Variants in NLGN4X observed in about 807,000 individuals in gnomAD.
The protein encoded by NLGN4X is neuroligin-4, X-linked.
A neutral mutation model predicts 40.3 loss-of-function variants in NLGN4X; 3 were observed. The observed-to-expected ratio is 0.07, with a 90% CI of 0.03 to 0.19. The LOEUF is 0.19. NLGN4X is among the 10% of genes least tolerant of loss of function. The probability of loss-of-function intolerance (pLI) is 1.00; values close to 1 mark genes in which losing one functional copy is unlikely to be tolerated. For missense variants in NLGN4X, 382 were observed against 708.3 expected, an observed-to-expected ratio of 0.54 and a Z score of 5.23; for synonymous variants, 270 against 306.8, an observed-to-expected ratio of 0.88 and a Z score of 1.25.
At chrX:6,202,259 A>G (rs1160036859) in intron 1 of NLGN4X, among the ~76,000 whole-genome samples, 1 of 111,159 alleles carries the variant, frequency 9.0e-6, no homozygotes. Flanking sequence ...TTTCTCAATA[A>G]GAGTACCTGC....
intron 1 of NLGN4X, among the ~76,000 whole-genome samples, chrX:6,188,761 A>G (rs1922305069): frequency 8.9e-6 from 1 of 111,966 alleles, no homozygotes; most frequent in African/African-American, 3.2e-5. Context: ...CAGGAATGCC[A>G]TGAAAGGAAT....
chrX:6,126,159 T>C (rs2039540769), intron 2 of NLGN4X, among the ~76,000 whole-genome samples: 1 of 109,640 alleles, frequency 9.1e-6, no homozygotes, highest in Admixed American at 9.7e-5. Context: ...AGAAAACATT[T>C]TTTAAAAACT....
intron 2 of NLGN4X, among the ~76,000 whole-genome samples, chrX:6,122,557 A>G (rs1480615176): frequency 9.0e-6 from 1 of 110,637 alleles, no homozygotes; most frequent in East Asian, 2.8e-4. Flanking sequence ...TTGATTGCCC[A>G]TTGGACACTT....
intron 3 of NLGN4X, among the ~76,000 whole-genome samples, chrX:5,995,390 A>C (rs773056859): frequency 8.9e-6 from 1 of 112,570 alleles, no homozygotes; most frequent in Non-Finnish European, 1.9e-5. Context: ...TTTCTGACTT[A>C]TTCCTGACCT....
chrX:5,942,339 T>G (rs1332097121), intron 3 of NLGN4X, among the ~76,000 whole-genome samples: 1 of 111,312 alleles, frequency 9.0e-6, no homozygotes, highest in Non-Finnish European at 1.9e-5. Context: ...GAGGAGTGGT[T>G]CACTAATTCT....
chrX:5,989,651 T>C (rs770279256), intron 3 of NLGN4X, among the ~76,000 whole-genome samples: 7 of 111,892 alleles, frequency 6.3e-5, no homozygotes, highest in Non-Finnish European at 1.3e-4. Flanking sequence ...TAAGATATGG[T>C]TTTTAATAAC....
At chrX:6,103,966 C>T (rs987327187) in intron 2 of NLGN4X, among the ~76,000 whole-genome samples, 2 of 111,605 alleles carry the variant, frequency 1.8e-5, no homozygotes, top group African/African-American at 6.5e-5. Context: ...ATTGGGTGCA[C>T]CTGAGTGTTG....
chrX:6,169,292 T>C (rs4826835), intron 1 of NLGN4X, among the ~76,000 whole-genome samples: 6 of 112,961 alleles, frequency 5.3e-5, no homozygotes, highest in Admixed American at 4.7e-4. Flanking sequence ...CACTGGGTTC[T>C]TATTTAACAA....
chrX:5,900,478 A>G (rs2031779467), intron 5 of NLGN4X, among the ~76,000 whole-genome samples: 1 of 109,087 alleles, frequency 9.2e-6, no homozygotes, highest in African/African-American at 3.4e-5. Context: ...TTGGCCCTGC[A>G]AGCACCTTCA....
At chrX:6,051,159 C>T (rs2037482235) in intron 2 of NLGN4X, among the ~76,000 whole-genome samples, 1 of 111,830 alleles carries the variant, frequency 8.9e-6, no homozygotes, top group South Asian at 3.7e-4. Context: ...GTTTCAAGGC[C>T]TGAAACTGCA....
intron 1 of NLGN4X, among the ~76,000 whole-genome samples, chrX:6,224,932 CTGAT>C (rs1346163298): frequency 1.0e-5 from 1 of 97,597 alleles, no homozygotes; most frequent in African/African-American, 3.8e-5. Flanking sequence ...ACAACTGGCC[CTGAT>C]TATGTTCTTA....
At chrX:6,109,043 C>T (rs949955229) in intron 2 of NLGN4X, among the ~76,000 whole-genome samples, 2 of 112,147 alleles carry the variant, frequency 1.8e-5, no homozygotes, top group African/African-American at 6.5e-5. Flanking sequence ...AGGAAGATTG[C>T]TTGAGGCTAG....
At chrX:6,172,127 C>A (rs1347967312) in intron 1 of NLGN4X, among the ~76,000 whole-genome samples, 4 of 111,778 alleles carry the variant, frequency 3.6e-5, no homozygotes, top group Non-Finnish European at 7.5e-5. Flanking sequence ...TTGTAAATTA[C>A]CCAGTCTCGG....
intron 3 of NLGN4X, among the ~76,000 whole-genome samples, chrX:5,925,893 T>TATATATACATACAC (rs2033280219): frequency 6.4e-4 from 9 of 14,154 alleles, no homozygotes; most frequent in African/African-American, 3.5e-3. Flanking sequence ...TATATATATA[T>TATATATACATACAC]ATATATATAT....
chrX:5,896,584 G>C (rs1440279804), intron 5 of NLGN4X, among the ~76,000 whole-genome samples: 1 of 112,085 alleles, frequency 8.9e-6, no homozygotes, highest in Non-Finnish European at 1.9e-5. Flanking sequence ...ACCTAACACA[G>C]CCATTTCCAC....
At chrX:6,065,629 A>G (rs1478041522) in intron 2 of NLGN4X, among the ~76,000 whole-genome samples, 1 of 111,358 alleles carries the variant, frequency 9.0e-6, no homozygotes, top group East Asian at 2.8e-4. Flanking sequence ...CTGGGCTATC[A>G]GTGTGATAGA....
chrX:6,021,073 C>T (rs192619871), intron 3 of NLGN4X, among the ~76,000 whole-genome samples: 318 of 21,299 alleles, frequency 0.015, 4 homozygotes, highest in Middle Eastern at 0.069. Context: ...TCCCTCCCTC[C>T]CTCCCTCTCT....
rs759999679 is a variant in NLGN4X, at chrX:5,909,254, A to C, written c.626-15T>G. The C allele has an allele frequency of 1.7e-6, 2 of 1,208,346 alleles. No individual in the cohort carries two copies. Among genetic ancestry groups the C allele is most frequent in the Non-Finnish European group, 2.2e-6 (2 of 893,943 alleles). On this transcript the variant is annotated splice_polypyrimidine_tract_variant and intron_variant, in intron 3 of 5. Transcript: ENST00000381095. ...ACTTAAAAACCCTACAAAAGAACAC[A>C]AGATATTTTTGGTGGCCAAATAGAA...
intron 3 of NLGN4X, among the ~76,000 whole-genome samples, chrX:5,932,454 GAA>G (rs752701450): frequency 9.2e-6 from 1 of 108,827 alleles, no homozygotes; most frequent in Non-Finnish European, 1.9e-5. Flanking sequence ...TCTCTCAACA[GAA>G]AAAAAAATTC....
Sources: allele counts gnomAD v4.1 joint callset (sites outside exome capture counted in the v4.1 genomes callset), GRCh38; gene constraint gnomAD v4.1.1; transcripts MANE v1.5; gene names NCBI Gene and HGNC (gene_info 2026-07-23, HGNC 2026-07-21).